CIDEA: variants seen among roughly 807,000 people sequenced by gnomAD.
The protein encoded by CIDEA is lipid transferase CIDEA.
A neutral mutation model predicts 18.2 loss-of-function variants in CIDEA; 10 were observed. That is an observed-to-expected ratio of 0.55 (90% confidence interval 0.34 to 0.93). CIDEA has a LOEUF of 0.93. CIDEA is among the 40% of genes least tolerant of loss of function. The pLI is 0.02. For synonymous variants in CIDEA, 128 were observed against 124.8 expected (o/e 1.03, Z -0.17); for missense variants, 309 against 293.1 (o/e 1.05, Z -0.40).
chr18:12,264,593 A>G (rs540756562), intron 3 of CIDEA, 140 bp downstream of exon 3: 247 of 665,250 alleles, frequency 3.7e-4, no homozygotes, highest in African/African-American at 1.8e-3. Context: ...TCGCTCTGTC[A>G]CCCAGGCTGG....
Position 12,277,342 on chromosome 18 carries a change from GC to G in CIDEA, c.*73del. The G allele has an allele frequency of 6.4e-7, 1 of 1,551,382 alleles. No individual in the cohort carries two copies. Among genetic ancestry groups the G allele is most frequent in the Non-Finnish European group, 8.8e-7 (1 of 1,133,372 alleles). On this transcript the variant is annotated 3_prime_UTR_variant, in exon 5 of 5. Coordinates refer to ENST00000320477, the MANE Select transcript of CIDEA (RefSeq NM_001279.4). ...TGGCTCAATGACGAATGTTGAAGAT[GC>G]TTTTATGTTCTGAGCCACATGCACT... is the stretch of plus-strand genomic sequence containing the variant.
At chr18:12,277,089 C>T in intron 4 of CIDEA, 34 bp from the exon 5 acceptor site, 1 of 1,610,240 alleles carries the variant, frequency 6.2e-7, no homozygotes. Flanking sequence ...CCCAAAATCC[C>T]AAGCTAAAGC....
At chr18:12,272,712 A>C (rs1912586511) in intron 3 of CIDEA, among the ~76,000 whole-genome samples, 1 of 151,758 alleles carries the variant, frequency 6.6e-6, no homozygotes, top group African/African-American at 2.4e-5. Flanking sequence ...GATGAAGTCA[A>C]CCTCACCCGA....
At chr18:12,267,348 C>T (rs1035548022) in intron 3 of CIDEA, among the ~76,000 whole-genome samples, 1 of 152,224 alleles carries the variant, frequency 6.6e-6, no homozygotes, top group South Asian at 2.1e-4. Context: ...TAAATACACA[C>T]GAAGAAACTG....
Position 12,262,986 on chromosome 18 carries a change from A to C in CIDEA, c.183+17A>C. The C allele has an allele frequency of 1.2e-6, 2 of 1,612,336 alleles. No individual in the cohort carries two copies. Among genetic ancestry groups the C allele is most frequent in the Non-Finnish European group, 1.7e-6 (2 of 1,179,432 alleles). On this transcript the variant is annotated intron_variant, in intron 2 of 4. Transcript: ENST00000320477. ...ATCAGCAAGGTGCCCCACATCCCGC[A>C]CCTCTCCCCCAGTCCACAGGGGTGC...
chr18:12,256,080 T>C (rs910368267), intron 1 of CIDEA, among the ~76,000 whole-genome samples: 1 of 152,224 alleles, frequency 6.6e-6, no homozygotes, highest in Non-Finnish European at 1.5e-5. Context: ...ATCTACCTGC[T>C]CCCAGGCTGG....
intron 1 of CIDEA, among the ~76,000 whole-genome samples, chr18:12,258,134 G>T (rs879695156): frequency 6.6e-6 from 1 of 152,172 alleles, no homozygotes. Flanking sequence ...CAGCAGTGAC[G>T]CAGCTCTTGG....
Position 12,264,265 on chromosome 18 carries a change from T to TA in CIDEA, c.184-41dup, listed in dbSNP as rs761561375. 31 of 1,512,928 alleles carry TA rather than the reference T, an allele frequency of 2.0e-5. No individual in the cohort carries two copies. The East Asian group carries it at 7.5e-4, about 37-fold the overall frequency. 93.7% of individuals were successfully genotyped at this position (1,512,928 alleles called of 1,614,324 possible). ...ATGTCATTGGCTGGTCACATGGAAA[T>TA]ACCTGGCTTCACTCCATTTCTCTGA... is the stretch of plus-strand genomic sequence containing the variant. On this transcript the variant is annotated intron_variant, in intron 2 of 4. Coordinates refer to ENST00000320477, the MANE Select transcript of CIDEA (RefSeq NM_001279.4).
At chr18:12,268,379 G>GT (rs1912417960) in intron 3 of CIDEA, among the ~76,000 whole-genome samples, 1 of 123,104 alleles carries the variant, frequency 8.1e-6, no homozygotes, top group Admixed American at 8.0e-5. Context: ...CGCCCCCAGT[G>GT]GTTTTTTTTT....
chr18:12,265,930 C>T lies in CIDEA; in HGVS notation c.330+1477C>T, dbSNP rs150751509. 2.9e-3 allele frequency among the ~76,000 whole-genome samples: 436 copies of T among 152,162 alleles called. 1 individual carries two copies. The highest frequency in any genetic ancestry group is 1.0e-2 in the African/African-American group (415 of 41,522). On this transcript the variant is annotated intron_variant, in intron 3 of 4. Coordinates refer to ENST00000320477, the MANE Select transcript of CIDEA (RefSeq NM_001279.4). Reference sequence around the variant, plus strand: ...AAAATTAGTGTACTAAAAATGCTCACCCATGGCTAAGTTTGACTGACTAAA... The same window carrying T: ...AAAATTAGTGTACTAAAAATGCTCATCCATGGCTAAGTTTGACTGACTAAA...
chr18:12,271,978 A>G (rs1021964854), intron 3 of CIDEA, among the ~76,000 whole-genome samples: 1 of 151,862 alleles, frequency 6.6e-6, no homozygotes, highest in Non-Finnish European at 1.5e-5. Context: ...AAACTTTCAA[A>G]AGTCAGAAAG....
At chr18:12,269,873 A>G (rs539579486) in intron 3 of CIDEA, among the ~76,000 whole-genome samples, 2 of 151,926 alleles carry the variant, frequency 1.3e-5, no homozygotes, top group Middle Eastern at 3.4e-3. Context: ...AAATGCTTGT[A>G]TTTTTTTAGA....
chr18:12,268,677 C>T (rs899220478), intron 3 of CIDEA, among the ~76,000 whole-genome samples: 3 of 152,184 alleles, frequency 2.0e-5, no homozygotes, highest in African/African-American at 7.2e-5. Context: ...GCTGGGATTA[C>T]AGGCGTGAGC....
At position 12,277,376 on chromosome 18, in the gene CIDEA, C is replaced by T. The variant is rs1412226296; in HGVS notation, c.*106C>T. The T allele has an allele frequency of 5.0e-6, 6 of 1,199,312 alleles. No individual in the cohort carries two copies. The highest frequency in any genetic ancestry group is 1.4e-5 in the South Asian group (1 of 71,434). The allele number at this position is 1,199,312 out of a possible 1,614,324, so 74.3% of individuals were successfully genotyped here. On this transcript the variant is annotated 3_prime_UTR_variant, in exon 5 of 5. Coordinates refer to ENST00000320477, the MANE Select transcript of CIDEA (RefSeq NM_001279.4). Reference sequence around the variant, plus strand: ...TTCTGAGCCACATGCACTTGGAGGCCGCTGGTCACGCTGCTCAGGAGTGGT... The same window carrying T: ...TTCTGAGCCACATGCACTTGGAGGCTGCTGGTCACGCTGCTCAGGAGTGGT...
intron 3 of CIDEA, among the ~76,000 whole-genome samples, chr18:12,269,135 C>T (rs1427547339): frequency 6.6e-6 from 1 of 152,128 alleles, no homozygotes; most frequent in Non-Finnish European, 1.5e-5. Context: ...TAATTTAACT[C>T]ATATTTTTAT....
chr18:12,254,383 C>T lies in CIDEA; in HGVS notation c.-1C>T, dbSNP rs1012641836. The T allele has an allele frequency of 2.6e-6, 4 of 1,539,524 alleles. No homozygotes were observed. The African/African-American group carries it at 5.5e-5, about 21-fold the overall frequency. On this transcript the variant is annotated 5_prime_UTR_variant, in exon 1 of 5. Coordinates refer to ENST00000320477, the MANE Select transcript of CIDEA (RefSeq NM_001279.4). ...TCCAGGCCCGCTAGGGGATCCGCGC[C>T]ATGGAGGCCGCCCGGGACTATGCAG...
chr18:12,254,458 C>A, intron 1 of CIDEA, 37 bp downstream of exon 1: 1 of 1,594,838 alleles, frequency 6.3e-7, no homozygotes, highest in Non-Finnish European at 8.5e-7. Flanking sequence ...CCGTGCGCTT[C>A]CAATCGCCTT....
rs146842042 is a variant in CIDEA, at chr18:12,264,253, G to T, written c.184-54G>T. On this transcript the variant is annotated intron_variant, in intron 2 of 4. Transcript: ENST00000320477. ...GTAACTTAATAAATGTCATTGGCTG[G>T]TCACATGGAAATACCTGGCTTCACT... is the stretch of plus-strand genomic sequence containing the variant. The T allele has an allele frequency of 5.5e-6, 8 of 1,461,962 alleles. No individual in the cohort carries two copies. The African/African-American group carries it at 7.2e-5, about 13-fold the overall frequency. The allele number at this position is 1,461,962 out of a possible 1,614,324, so 90.6% of individuals were successfully genotyped here.
In CIDEA at chr18:12,261,151, G is replaced by A. The variant is rs1912179531; in HGVS notation, c.39-1674G>A. On this transcript the variant is annotated intron_variant, in intron 1 of 4. Transcript: ENST00000320477. ...AAATCCTAGCACTTTGGGATGCTGA[G>A]GTGGGTGGATCACTTGAGGTCAGGA... is the stretch of plus-strand genomic sequence containing the variant. Among the ~76,000 whole-genome samples the A allele has an allele frequency of 2.6e-5, 4 of 152,328 alleles. No homozygotes were observed. The South Asian group carries it at 8.3e-4, about 32-fold the overall frequency.
Sources: allele counts gnomAD v4.1 joint callset (sites outside exome capture counted in the v4.1 genomes callset), GRCh38; gene constraint gnomAD v4.1.1; transcripts MANE v1.5; gene names NCBI Gene and HGNC (gene_info 2026-07-23, HGNC 2026-07-21).